PRKG1: variants seen among roughly 807,000 people sequenced by gnomAD.
PRKG1 encodes protein kinase cGMP-dependent 1.
A neutral mutation model predicts 88.1 loss-of-function variants in PRKG1; 35 were observed. That is an observed-to-expected ratio of 0.40 (90% confidence interval 0.30 to 0.53). PRKG1 has a LOEUF of 0.53. Among genes scored for constraint, PRKG1 ranks in the 20% least tolerant of loss-of-function variants. The pLI, the probability that PRKG1 is intolerant of heterozygous loss-of-function variation, is 0.59. For synonymous variants in PRKG1, 303 were observed against 292.5 expected, an observed-to-expected ratio of 1.04 and a Z score of -0.37; for missense variants, 540 against 839.8, an observed-to-expected ratio of 0.64 and a Z score of 4.41.
chr10:51,278,699 G>A (rs12767241), intron 2 of PRKG1, among the ~76,000 whole-genome samples: 20,643 of 152,046 alleles, frequency 0.14, 1,756 homozygotes, highest in Middle Eastern at 0.28. Context: ...TATGTGTCCA[G>A]GAATTTATCC....
chr10:52,050,221 G>A (rs1845958090), intron 5 of PRKG1, among the ~76,000 whole-genome samples: 1 of 152,042 alleles, frequency 6.6e-6, no homozygotes, highest in African/African-American at 2.4e-5. Context: ...CAGAAGGCTG[G>A]CAGGGCTGGA....
chr10:51,543,718 C>T (rs575043579), intron 3 of PRKG1, among the ~76,000 whole-genome samples: 1 of 152,300 alleles, frequency 6.6e-6, no homozygotes, highest in African/African-American at 2.4e-5. Context: ...AGGTTATCCT[C>T]AGGCTATAAA....
intron 7 of PRKG1, chr10:52,081,689 A>G (rs1846780020): frequency 2.2e-6 from 1 of 456,638 alleles, no homozygotes; most frequent in Non-Finnish European, 4.4e-6. Context: ...AAGCTAGAAG[A>G]TGACGAGAGC....
chr10:50,996,113 T>C (rs1290585203), intron 1 of PRKG1, among the ~76,000 whole-genome samples: 1 of 152,162 alleles, frequency 6.6e-6, no homozygotes, highest in African/African-American at 2.4e-5. Context: ...TGCTATAAAA[T>C]AGCAATGAAA....
At chr10:51,930,208 A>G (rs569186184) in intron 5 of PRKG1, among the ~76,000 whole-genome samples, 1 of 152,334 alleles carries the variant, frequency 6.6e-6, no homozygotes, top group South Asian at 2.1e-4. Context: ...GGCAAAAAGT[A>G]GAATGGTGTT....
chr10:51,845,627 G>A (rs1433356787), intron 4 of PRKG1, among the ~76,000 whole-genome samples: 1 of 152,068 alleles, frequency 6.6e-6, no homozygotes, highest in African/African-American at 2.4e-5. Context: ...CACCAATATG[G>A]CACTTAACAT....
chr10:51,124,610 G>A (rs541168683), intron 1 of PRKG1, among the ~76,000 whole-genome samples: 1 of 152,140 alleles, frequency 6.6e-6, no homozygotes, highest in African/African-American at 2.4e-5. Flanking sequence ...TTCATTGGAA[G>A]CAGTCATATA....
chr10:51,814,437 AT>A (rs72153941), intron 4 of PRKG1, among the ~76,000 whole-genome samples: 32,545 of 151,576 alleles, frequency 0.21, 5,598 homozygotes, highest in African/African-American at 0.48. Flanking sequence ...TTAGAACTTA[AT>A]TTTTTTTTGT....
intron 9 of PRKG1, among the ~76,000 whole-genome samples, chr10:52,214,434 C>A (rs1465308145): frequency 6.6e-6 from 1 of 152,130 alleles, no homozygotes; most frequent in African/African-American, 2.4e-5. Flanking sequence ...TCTAAGGAAT[C>A]ATCACCGCAC....
chr10:51,616,959 C>A (rs1003249610), intron 3 of PRKG1, among the ~76,000 whole-genome samples: 2 of 152,138 alleles, frequency 1.3e-5, no homozygotes, highest in Admixed American at 6.5e-5. Context: ...GGACCCAGGA[C>A]AGTAGGCCAT....
intron 2 of PRKG1, among the ~76,000 whole-genome samples, chr10:51,438,602 G>A (rs539841345): frequency 6.6e-6 from 1 of 151,986 alleles, no homozygotes; most frequent in East Asian, 1.9e-4. Context: ...CACAGAGGTA[G>A]AGTACCATCT....
chr10:51,014,730 G>A (rs1052218368), intron 1 of PRKG1, among the ~76,000 whole-genome samples: 3 of 152,024 alleles, frequency 2.0e-5, no homozygotes, highest in African/African-American at 7.2e-5. Context: ...ACAATTACAT[G>A]TTTGTTTTAC....
chr10:51,360,484 C>T (rs1421667565), intron 2 of PRKG1, among the ~76,000 whole-genome samples: 1 of 151,918 alleles, frequency 6.6e-6, no homozygotes, highest in Non-Finnish European at 1.5e-5. Flanking sequence ...TGTTAAACTC[C>T]ATTATTTCAG....
chr10:51,301,446 A>C (rs1840882957), intron 2 of PRKG1, among the ~76,000 whole-genome samples: 1 of 152,164 alleles, frequency 6.6e-6, no homozygotes, highest in Non-Finnish European at 1.5e-5. Flanking sequence ...AGTAGGGGAA[A>C]AAATATACAA....
At chr10:51,065,328 G>T (rs1352900194) in intron 1 of PRKG1, among the ~76,000 whole-genome samples, 1 of 151,958 alleles carries the variant, frequency 6.6e-6, no homozygotes, top group African/African-American at 2.4e-5. Context: ...TAAGAAAGAA[G>T]GTGAGATTAT....
chr10:51,340,054 G>C (rs1841971127), intron 2 of PRKG1, among the ~76,000 whole-genome samples: 1 of 152,084 alleles, frequency 6.6e-6, no homozygotes, highest in African/African-American at 2.4e-5. Context: ...GCCTCTGCTA[G>C]TGGATCTCAG....
At chr10:51,092,035 C>T (rs10995590) in intron 1 of PRKG1, among the ~76,000 whole-genome samples, 2 of 152,050 alleles carry the variant, frequency 1.3e-5, no homozygotes, top group South Asian at 4.1e-4. Flanking sequence ...TTGAAATAAC[C>T]TTCCAACTTG....
At chr10:51,576,596 G>A (rs949726570) in intron 3 of PRKG1, among the ~76,000 whole-genome samples, 1 of 151,844 alleles carries the variant, frequency 6.6e-6, no homozygotes, top group African/African-American at 2.4e-5. Flanking sequence ...GTGGGACAAA[G>A]GACATACCCA....
At chr10:51,937,314 C>T (rs1442684667) in intron 5 of PRKG1, among the ~76,000 whole-genome samples, 2 of 151,876 alleles carry the variant, frequency 1.3e-5, no homozygotes, top group African/African-American at 4.8e-5. Context: ...TTAAATAAAC[C>T]GATTAAATAA....
Sources: allele counts gnomAD v4.1 joint callset (sites outside exome capture counted in the v4.1 genomes callset), GRCh38; gene constraint gnomAD v4.1.1; transcripts MANE v1.5; gene names NCBI Gene and HGNC (gene_info 2026-07-23, HGNC 2026-07-21).